Variants in TJP2 observed in about 807,000 individuals in gnomAD.
TJP2 encodes the protein Friedreich ataxia region gene X104 (tight junction protein ZO-2).
In TJP2, 91 loss-of-function variants were observed where a neutral mutation model predicts 133.1. The ratio of observed to expected loss-of-function variants is 0.68; its 90% CI spans 0.58 to 0.81. The LOEUF (loss-of-function observed/expected upper bound fraction) is 0.81. Ranked by LOEUF, TJP2 falls within the 40% of genes least tolerant of loss-of-function variation. The pLI is 0.00. For missense variants in TJP2, 1,541 were observed against 1,565.6 expected, an observed-to-expected ratio of 0.98 and a Z score of 0.26; for synonymous variants, 592 against 583.4, an observed-to-expected ratio of 1.01 and a Z score of -0.21.
chr9:69,254,291 G>A lies in TJP2; in HGVS notation c.3490G>A (p.Glu1164Lys), dbSNP rs915608924. The A allele has an allele frequency of 2.5e-6, 4 of 1,614,130 alleles. No homozygotes were observed. The African/African-American group carries it at 5.3e-5, about 22-fold the overall frequency. ...RGSYGSDAEEEEYRQQLSEHS... is the reference protein window; with the variant it reads ...RGSYGSDAEEKEYRQQLSEHS... ...AAGTTATGGCAGTGATGCCGAGGAGGAGGAGTACCGCCAGCAGCTGTCAGA... is the reference window on the plus strand; with the variant it reads ...AAGTTATGGCAGTGATGCCGAGGAGAAGGAGTACCGCCAGCAGCTGTCAGA... Residue 1164 changes from glutamate (E) to lysine (K), a missense_variant, in exon 23 of 23, where the codon GAG becomes AAG. Transcript: ENST00000377245.
chr9:69,187,654 G>C (rs957863430), intron 1 of TJP2, among the ~76,000 whole-genome samples: 1 of 152,236 alleles, frequency 6.6e-6, no homozygotes, highest in Non-Finnish European at 1.5e-5. Context: ...GAAGATCGGT[G>C]TGTTTTCAGT....
intron 17 of TJP2, 115 bp from the exon 18 acceptor site, chr9:69,246,567 CATCTTCTT>C (rs1830940843): frequency 1.2e-6 from 1 of 826,640 alleles, no homozygotes; most frequent in African/African-American, 1.7e-5. Flanking sequence ...GATGTGCAAA[CATCTTCTT>C]GCGTCTGCCA....
intron 1 of TJP2, among the ~76,000 whole-genome samples, chr9:69,193,528 G>T (rs1432440755): frequency 2.1e-5 from 3 of 140,532 alleles, no homozygotes; most frequent in Admixed American, 2.1e-4. Flanking sequence ...AAAAAAAAAC[G>T]TCAGCCCATA....
chr9:69,156,844 G>C (rs1423510888), intron 2 of TJP2, among the ~76,000 whole-genome samples: 1 of 152,168 alleles, frequency 6.6e-6, no homozygotes, highest in Non-Finnish European at 1.5e-5. Flanking sequence ...TACTACATTG[G>C]TTCCATCTGG....
chr9:69,235,024 A>C (rs1033687307), intron 12 of TJP2, among the ~76,000 whole-genome samples: 5 of 152,254 alleles, frequency 3.3e-5, no homozygotes, highest in Non-Finnish European at 5.9e-5. Context: ...CCAGAGAAAC[A>C]GAATGATAGG....
At chr9:69,241,143 A>G (rs567995242) in intron 17 of TJP2, among the ~76,000 whole-genome samples, 2 of 152,350 alleles carry the variant, frequency 1.3e-5, no homozygotes, top group Admixed American at 1.3e-4. Flanking sequence ...TACCTAATAG[A>G]ATATATTTTT....
intron 2 of TJP2, among the ~76,000 whole-genome samples, chr9:69,161,045 C>G (rs1470864904): frequency 1.3e-5 from 2 of 152,172 alleles, no homozygotes; most frequent in Non-Finnish European, 2.9e-5. Flanking sequence ...CTTCTGGAAC[C>G]CTATGCTTGC....
chr9:69,133,392 T>C (rs1249476806), intron 1 of TJP2, among the ~76,000 whole-genome samples: 2 of 152,134 alleles, frequency 1.3e-5, no homozygotes, highest in Non-Finnish European at 2.9e-5. Context: ...GTGTGTATTC[T>C]CCGGAAAGAC....
At chr9:69,148,535 T>TA (rs72538840) in intron 1 of TJP2, among the ~76,000 whole-genome samples, 127,927 of 151,680 alleles carry the variant, frequency 0.84, 54,077 homozygotes, top group African/African-American at 0.88. Flanking sequence ...CATGCCTAGC[T>TA]ATTTTTGTAT....
chr9:69,148,028 G>A (rs1823292531), intron 1 of TJP2, among the ~76,000 whole-genome samples: 1 of 151,402 alleles, frequency 6.6e-6, no homozygotes, highest in African/African-American at 2.4e-5. Flanking sequence ...GGGTTCCAGA[G>A]ATTCTCTTGC....
At chr9:69,252,691 C>A in intron 21 of TJP2, 124 bp from the exon 22 acceptor site, 1 of 928,846 alleles carries the variant, frequency 1.1e-6, no homozygotes, top group East Asian at 2.6e-5. Flanking sequence ...GTTTCCTCTT[C>A]TTGAAATGGG....
rs372958385 is a variant in TJP2, at chr9:69,248,360, G to C, written c.2880+136G>C. 233 of 1,449,028 alleles carry C rather than the reference G, an allele frequency of 1.6e-4. 2 individuals are homozygous for C. The East Asian group carries it at 4.9e-3, about 31-fold the overall frequency. 89.8% of individuals were successfully genotyped at this position (1,449,028 alleles called of 1,614,324 possible). A position where few individuals can be genotyped will look rare whatever the true frequency, so the allele number is the denominator to read the frequency against. ...GCAGATGACTTCCAGGGAGTCTCTC[G>C]CTTTGAGTCCACGCTGGCATGGTTG... is the stretch of plus-strand genomic sequence containing the variant. On this transcript the variant is annotated intron_variant, in intron 19 of 22. Transcript: ENST00000377245.
intron 1 of TJP2, among the ~76,000 whole-genome samples, chr9:69,198,478 G>A (rs1448722986): frequency 6.6e-6 from 1 of 152,082 alleles, no homozygotes; most frequent in African/African-American, 2.4e-5. Context: ...TTAAATGCAC[G>A]CTAAAAAATT....
chr9:69,122,624 T>C (rs1167553179), intron 1 of TJP2, among the ~76,000 whole-genome samples: 2 of 152,196 alleles, frequency 1.3e-5, no homozygotes, highest in Non-Finnish European at 2.9e-5. Flanking sequence ...GATCTTTATG[T>C]TGGAAAAAGG....
intron 17 of TJP2, among the ~76,000 whole-genome samples, 191 bp downstream of exon 17, chr9:69,240,338 A>G (rs1300160734): frequency 3.3e-5 from 5 of 152,170 alleles, no homozygotes; most frequent in Non-Finnish European, 7.4e-5. Flanking sequence ...AATTTTGTCT[A>G]TTTGAAAATG....
At position 69,226,140 on chromosome 9, in the gene TJP2, T is replaced by A; in HGVS notation, c.1175T>A (p.Ile392Asn). Residue 392 changes from isoleucine to asparagine, a missense_variant, in exon 7 of 23, where the codon ATC (isoleucine) becomes AAC (asparagine). Transcript: ENST00000377245. Reference sequence around the variant, plus strand: ...GACAGCCAGCAGACCCTCATCAACATCCCGTCATTAAATGACAGTGACTCA... The same window carrying A: ...GACAGCCAGCAGACCCTCATCAACAACCCGTCATTAAATGACAGTGACTCA... ...LRDSQQTLINIPSLNDSDSEI... is the reference protein window; with the variant it reads ...LRDSQQTLINNPSLNDSDSEI... 6.2e-7 allele frequency: 1 copy of A among 1,614,050 alleles called. No homozygotes were observed. The highest frequency in any genetic ancestry group is 8.5e-7 in the Non-Finnish European group (1 of 1,179,994).
At position 69,220,951 on chromosome 9, in the gene TJP2, A is replaced by C. The variant is rs1828775539; in HGVS notation, c.407A>C (p.Asp136Ala). 1 of 1,612,698 alleles carries C rather than the reference A, an allele frequency of 6.2e-7. No individual in the cohort carries two copies. The highest frequency in any genetic ancestry group is 8.5e-7 in the Non-Finnish European group (1 of 1,180,004). Residue 136 changes from aspartate (D) to alanine (A), a missense_variant, in exon 5 of 23, where the codon GAT becomes GCT. By Grantham distance (126) the Asp-to-Ala change is moderately radical. Coordinates refer to ENST00000377245, the MANE Select transcript of TJP2 (RefSeq NM_004817.4). ...CAGGCCAGCCCTCCCCTGGATCAGG[A>C]TGACCGGGCTTTTGAGGTGATGGAC... ...ALQASPPLDQ[D>A]DRAFEVMDEF...
chr9:69,235,485 G>A (rs1349944358), intron 12 of TJP2, among the ~76,000 whole-genome samples: 1 of 151,950 alleles, frequency 6.6e-6, no homozygotes, highest in East Asian at 1.9e-4. Context: ...ACCACGCCCG[G>A]CTAATTTTTT....
intron 4 of TJP2, among the ~76,000 whole-genome samples, chr9:69,219,549 T>C (rs1227739407): frequency 6.6e-6 from 1 of 152,186 alleles, no homozygotes; most frequent in South Asian, 2.1e-4. Flanking sequence ...AGAAAAGTAA[T>C]AATTTTACAG....
Sources: gnomAD v4.1 joint callset for allele counts (sites outside exome capture counted in the v4.1 genomes callset) on GRCh38, gnomAD v4.1.1 for gene constraint, MANE v1.5 for transcripts, NCBI Gene and HGNC (gene_info 2026-07-23, HGNC 2026-07-21) for gene names.